KCTD5: variants seen among roughly 807,000 people sequenced by gnomAD.
The protein encoded by KCTD5 is BTB/POZ domain-containing protein KCTD5.
A neutral mutation model predicts 27.9 loss-of-function variants in KCTD5; 12 were observed. That is an observed-to-expected ratio of 0.43 (90% CI 0.28 to 0.70). The LOEUF (loss-of-function observed/expected upper bound fraction) is 0.70, where lower values mean the gene tolerates loss of function less well. Ranked by LOEUF, KCTD5 falls within the 30% of genes least tolerant of loss-of-function variation. KCTD5 has a pLI of 0.19. For synonymous variants in KCTD5, 147 were observed against 121.4 expected (o/e 1.21, Z -1.39); for missense variants, 226 against 274.8 (o/e 0.82, Z 1.26).
chr16:2,698,505 A>G (rs2067596542), intron 3 of KCTD5, among the ~76,000 whole-genome samples: 1 of 152,198 alleles, frequency 6.6e-6, no homozygotes, highest in South Asian at 2.1e-4. Flanking sequence ...AGGGGAGCCC[A>G]GGTTGTTGGT....
chr16:2,701,111 G>A (rs535705605), intron 4 of KCTD5, among the ~76,000 whole-genome samples: 5 of 152,234 alleles, frequency 3.3e-5, no homozygotes, highest in African/African-American at 4.8e-5. Context: ...TTCTGCCACC[G>A]TCTTGTGACT....
At position 2,707,318 on chromosome 16, in the gene KCTD5, A is replaced by G; in HGVS notation, c.696A>G (p.Ser232=). The change falls in exon 6 of 6, where the codon TCA becomes TCG. Residue 232 remains serine, a synonymous_variant. Transcript: ENST00000301738. ...TTCAGATTTTGCAAGAACGAGGCTC[A>G]AGGATGTGAGGGACACAGTATTGAC... ...EKAKILQERG[S]RM The G allele has an allele frequency of 1.2e-6, 2 of 1,614,046 alleles. No homozygotes were observed. The highest frequency in any genetic ancestry group is 8.5e-7 in the Non-Finnish European group (1 of 1,179,908).
intron 3 of KCTD5, among the ~76,000 whole-genome samples, 160 bp from the exon 4 acceptor site, chr16:2,699,661 G>A (rs2067602713): frequency 6.6e-6 from 1 of 152,246 alleles, no homozygotes; most frequent in Non-Finnish European, 1.5e-5. Flanking sequence ...CGGGCCGCGT[G>A]TTTTGCTTTT....
chr16:2,703,557 C>A (rs998460468), intron 5 of KCTD5, among the ~76,000 whole-genome samples: 1 of 152,298 alleles, frequency 6.6e-6, no homozygotes, highest in East Asian at 1.9e-4. Context: ...GGACTGTCCC[C>A]GTGAGCCTCT....
At chr16:2,702,228 C>T in intron 4 of KCTD5, 125 bp from the exon 5 acceptor site, 1 of 1,237,504 alleles carries the variant, frequency 8.1e-7, no homozygotes, top group South Asian at 1.4e-5. Flanking sequence ...CATCCATTTC[C>T]TGAAGCGTCG....
chr16:2,698,208 C>T (rs779633154), intron 3 of KCTD5, among the ~76,000 whole-genome samples: 33 of 152,370 alleles, frequency 2.2e-4, no homozygotes, highest in African/African-American at 6.0e-4. Flanking sequence ...TCATCCTGCC[C>T]GGCCCAGACT....
chr16:2,701,958 G>A (rs976577870), intron 4 of KCTD5, among the ~76,000 whole-genome samples: 1 of 152,164 alleles, frequency 6.6e-6, no homozygotes, highest in Non-Finnish European at 1.5e-5. Context: ...AGCGGCTTTC[G>A]GTCCAGTCAG....
At position 2,705,878 on chromosome 16, in the gene KCTD5, GT is replaced by G. The variant is rs1286306430; in HGVS notation, c.676-1419del. Among the ~76,000 whole-genome samples, 10 of 152,346 alleles carry G rather than the reference GT, an allele frequency of 6.6e-5. 1 individual carries two copies. The South Asian group carries it at 2.1e-3, about 32-fold the overall frequency. ...AGCACTTTGGCTGCAGGTCTCCAGG[GT>G]GTCTCCTGCCCTCATCAGGAGGGAG... On this transcript the variant is annotated intron_variant, in intron 5 of 5. Transcript: ENST00000301738.
intron 1 of KCTD5, chr16:2,686,157 C>CCCA (rs1239665463): frequency 8.9e-5 from 7 of 78,362 alleles, no homozygotes; most frequent in Non-Finnish European, 2.6e-5. Flanking sequence ...CAGCTTGGGA[C>CCCA]CCACCACCCG....
At chr16:2,683,034 A>C (rs565602754) in intron 1 of KCTD5, 10 of 504,092 alleles carry the variant, frequency 2.0e-5, no homozygotes, top group South Asian at 1.5e-4. Flanking sequence ...TCCTGAGTCG[A>C]TTCACCTTGG....
At chr16:2,703,059 ACT>A (rs2067619784) in intron 5 of KCTD5, among the ~76,000 whole-genome samples, 1 of 151,906 alleles carries the variant, frequency 6.6e-6, no homozygotes, top group Admixed American at 6.5e-5. Flanking sequence ...ACCGGCGCAG[ACT>A]CTGCGGGGGC....
intron 1 of KCTD5, among the ~76,000 whole-genome samples, chr16:2,691,833 G>A (rs1345164499): frequency 2.6e-5 from 4 of 152,224 alleles, no homozygotes; most frequent in Non-Finnish European, 1.5e-5. Flanking sequence ...CTGGATGCAC[G>A]TGGGGTCCCC....
At chr16:2,701,586 A>G (rs2067612331) in intron 4 of KCTD5, among the ~76,000 whole-genome samples, 1 of 152,198 alleles carries the variant, frequency 6.6e-6, no homozygotes, top group South Asian at 2.1e-4. Context: ...CCAGCTATAC[A>G]GGAGCAGCAG....
At position 2,682,780 on chromosome 16, in the gene KCTD5, C is replaced by T. The variant is rs1440817123; in HGVS notation, c.232C>T (p.Pro78Ser). 2 of 1,600,486 alleles carry T rather than the reference C, an allele frequency of 1.2e-6. No homozygotes were observed. The highest frequency in any genetic ancestry group is 1.1e-5 in the South Asian group (1 of 89,328). ...SFLYRLCQADPDLDSDKDETG... is the reference protein window; with the variant it reads ...SFLYRLCQADSDLDSDKDETG... ...CCTGTACCGCTTATGCCAGGCCGAT[C>T]CCGACCTGGACTCAGACAAGGTGAG... Residue 78 changes from proline to serine, a missense_variant, in exon 1 of 6, where the codon CCC (proline) becomes TCC (serine). Around this residue, in one of 2 missense-constraint regions of KCTD5, gnomAD observed 135 missense variants for 207.0 expected, o/e 0.65. Transcript: ENST00000301738.
intron 3 of KCTD5, chr16:2,699,075 G>A (rs2067599515): frequency 4.4e-6 from 2 of 451,618 alleles, no homozygotes; most frequent in South Asian, 1.6e-5. Context: ...TTGTCACTCA[G>A]GCATCCCTGG....
intron 5 of KCTD5, 99 bp from the exon 6 acceptor site, chr16:2,707,199 C>A: frequency 8.4e-7 from 1 of 1,194,876 alleles, no homozygotes; most frequent in Non-Finnish European, 1.2e-6. Context: ...GCTCCCCGAG[C>A]TAACCCCAGG....
In KCTD5 at chr16:2,708,628, TGCCA is replaced by T. The variant is rs1344762068; in HGVS notation, c.*1303_*1306del. The T allele has an allele frequency of 2.6e-5, 4 of 152,338 alleles. No homozygotes were observed. The highest frequency in any genetic ancestry group is 9.6e-5 in the African/African-American group (4 of 41,486). The allele number at this position is 152,338 out of a possible 1,614,324, so 9.4% of individuals were successfully genotyped here. ...CCTGCCTAGGCCTCATCCTCCTCTT[TGCCA>T]GTCACCTGATTAACCAATTCTCCAG... On this transcript the variant is annotated 3_prime_UTR_variant, in exon 6 of 6. Coordinates refer to ENST00000301738, the MANE Select transcript of KCTD5 (RefSeq NM_018992.4).
chr16:2,707,016 G>A (rs2067639870), intron 5 of KCTD5, among the ~76,000 whole-genome samples: 1 of 152,098 alleles, frequency 6.6e-6, no homozygotes, highest in South Asian at 2.1e-4. Flanking sequence ...GCCCAGGACT[G>A]AGTGGGCTGA....
chr16:2,690,054 G>T (rs1378676628), intron 1 of KCTD5, among the ~76,000 whole-genome samples: 3 of 152,258 alleles, frequency 2.0e-5, no homozygotes, highest in South Asian at 2.1e-4. Context: ...CGTTGCCCCC[G>T]GTGCTTTGCT....
Sources: allele counts gnomAD v4.1 joint callset (sites outside exome capture counted in the v4.1 genomes callset), GRCh38; gene constraint gnomAD v4.1.1; regional missense constraint gnomAD v4.1.1; transcripts MANE v1.5; gene names NCBI Gene and HGNC (gene_info 2026-07-23, HGNC 2026-07-21).